FAM135A: variants seen among roughly 807,000 people sequenced by gnomAD.
FAM135A encodes family with sequence similarity 135 member A, also known as protein FAM135A.
A neutral mutation model predicts 146.8 loss-of-function variants in FAM135A; 79 were observed. The ratio of observed to expected loss-of-function variants is 0.54; its 90% CI spans 0.45 to 0.65. The LOEUF (loss-of-function observed/expected upper bound fraction) is 0.65. Among genes scored for constraint, FAM135A ranks in the 30% least tolerant of loss-of-function variants. The pLI is 0.00. For missense variants in FAM135A, 1,623 were observed against 1,758.2 expected, an observed-to-expected ratio of 0.92 and a Z score of 1.38; for synonymous variants, 562 against 603.6, an observed-to-expected ratio of 0.93 and a Z score of 1.01.
intron 2 of FAM135A, among the ~76,000 whole-genome samples, chr6:70,426,125 C>A: frequency 6.8e-6 from 1 of 147,242 alleles, no homozygotes; most frequent in Middle Eastern, 3.5e-3. Flanking sequence ...AAAAAAACAA[C>A]AACAAAAAAA....
At chr6:70,498,209 G>A (rs768535721) in intron 11 of FAM135A, among the ~76,000 whole-genome samples, 1 of 152,180 alleles carries the variant, frequency 6.6e-6, no homozygotes, top group Non-Finnish European at 1.5e-5. Context: ...TTGGGAGGCT[G>A]TATGTGTCCA....
intron 14 of FAM135A, 55 bp downstream of exon 14, chr6:70,524,176 C>G: frequency 6.7e-7 from 1 of 1,494,332 alleles, no homozygotes; most frequent in Non-Finnish European, 9.1e-7. Context: ...TCAGTATATT[C>G]TTCCTAATAT....
chr6:70,418,778 C>T (rs1293061063), intron 2 of FAM135A, among the ~76,000 whole-genome samples: 2 of 152,194 alleles, frequency 1.3e-5, no homozygotes, highest in African/African-American at 2.4e-5. Flanking sequence ...CTCAGATAGT[C>T]GGGCTGAACC....
intron 11 of FAM135A, among the ~76,000 whole-genome samples, chr6:70,495,805 A>AGGCCCTGGTGTGTGAC (rs1241705076): frequency 1.3e-5 from 2 of 152,004 alleles, no homozygotes; most frequent in East Asian, 3.9e-4. Flanking sequence ...ACCCCCTGAC[A>AGGCCCTGGTGTGTGAC]GGCCCTGGTG....
At chr6:70,493,007 T>C (rs1239231552) in intron 11 of FAM135A, among the ~76,000 whole-genome samples, 1 of 152,058 alleles carries the variant, frequency 6.6e-6, no homozygotes, top group Non-Finnish European at 1.5e-5. Flanking sequence ...ACAAAAATAC[T>C]CATAAATGTA....
rs146275500 is a variant in FAM135A, at chr6:70,500,738, C to T, written c.874-1898C>T. Among the ~76,000 whole-genome samples the T allele has an allele frequency of 3.1e-3, 465 of 152,308 alleles. 1 individual carries two copies. The highest frequency in any genetic ancestry group is 0.01 in the African/African-American group (419 of 41,544). On this transcript the variant is annotated intron_variant, in intron 11 of 21. Transcript: ENST00000418814. ...AGTTTTTCTTCTAACAGTAAGGCCC[C>T]TCTGCTGCAGGTCTGTTGCAGTTTA...
chr6:70,533,644 C>T (rs572562820), intron 17 of FAM135A, 113 bp from the exon 18 acceptor site: 6 of 667,538 alleles, frequency 9.0e-6, no homozygotes, highest in African/African-American at 1.9e-5. Flanking sequence ...CTCTATAAAA[C>T]ATTGAACTTA....
At chr6:70,447,979 AT>A (rs1307503379) in intron 4 of FAM135A, among the ~76,000 whole-genome samples, 1 of 151,960 alleles carries the variant, frequency 6.6e-6, no homozygotes, top group Non-Finnish European at 1.5e-5. Flanking sequence ...GCTTTCCCGA[AT>A]TTAAAAGGAA....
At chr6:70,498,839 G>A (rs1417417791) in intron 11 of FAM135A, among the ~76,000 whole-genome samples, 1 of 152,200 alleles carries the variant, frequency 6.6e-6, no homozygotes, top group Non-Finnish European at 1.5e-5. Context: ...TGGTCTGAGA[G>A]ACTGTTTATT....
intron 16 of FAM135A, among the ~76,000 whole-genome samples, chr6:70,530,860 T>C (rs1239330148): frequency 6.6e-6 from 1 of 152,218 alleles, no homozygotes; most frequent in Non-Finnish European, 1.5e-5. Flanking sequence ...GACACTTTTG[T>C]AAGCAATTAT....
chr6:70,527,766 C>T (rs1021628094), intron 15 of FAM135A, among the ~76,000 whole-genome samples: 2 of 152,148 alleles, frequency 1.3e-5, no homozygotes, highest in African/African-American at 2.4e-5. Flanking sequence ...TCACATTCCC[C>T]TCTTCGTTCT....
chr6:70,505,336 A>C (rs1209461101), intron 12 of FAM135A, among the ~76,000 whole-genome samples: 2 of 152,174 alleles, frequency 1.3e-5, no homozygotes, highest in African/African-American at 4.8e-5. Context: ...GCTTTTTCCA[A>C]GATCAAATTC....
intron 2 of FAM135A, among the ~76,000 whole-genome samples, chr6:70,423,208 C>G (rs979325428): frequency 6.6e-6 from 1 of 151,980 alleles, no homozygotes; most frequent in Non-Finnish European, 1.5e-5. Context: ...TGAGGAGAAT[C>G]GTAGGAGATG....
At chr6:70,446,905 G>A (rs1259040407) in intron 4 of FAM135A, among the ~76,000 whole-genome samples, 1 of 152,176 alleles carries the variant, frequency 6.6e-6, no homozygotes, top group East Asian at 1.9e-4. Flanking sequence ...AATTGTTCTG[G>A]AATTAGAACT....
At chr6:70,424,387 A>T (rs1326588657) in intron 2 of FAM135A, among the ~76,000 whole-genome samples, 1 of 152,248 alleles carries the variant, frequency 6.6e-6, no homozygotes, top group Non-Finnish European at 1.5e-5. Flanking sequence ...CTGTGCCAGT[A>T]ACTACACCAA....
rs193181615 is a variant in FAM135A, at chr6:70,426,930, G to A, written c.-40+398G>A. Among the ~76,000 whole-genome samples, 3 of 152,250 alleles carry A rather than the reference G, an allele frequency of 2.0e-5. No homozygotes were observed. In the East Asian group the frequency reaches 5.8e-4, roughly 29 times the overall value. On this transcript the variant is annotated intron_variant, in intron 3 of 21. Coordinates refer to ENST00000418814, the MANE Select transcript of FAM135A (RefSeq NM_001162529.3). Reference sequence around the variant, plus strand: ...TGTTCTAGTATAAGACACTATCTCTGACTTCTAAGATTGTTCATTATACAA... The same window carrying A: ...TGTTCTAGTATAAGACACTATCTCTAACTTCTAAGATTGTTCATTATACAA...
intron 20 of FAM135A, among the ~76,000 whole-genome samples, chr6:70,546,846 G>A (rs1798950427): frequency 1.3e-5 from 2 of 152,154 alleles, no homozygotes; most frequent in South Asian, 2.1e-4. Context: ...TGGCATACAA[G>A]CATCTCAGCA....
At chr6:70,478,629 A>G (rs77504129) in intron 8 of FAM135A, among the ~76,000 whole-genome samples, 3,830 of 152,164 alleles carry the variant, frequency 0.025, 164 homozygotes, top group African/African-American at 0.088. Context: ...TTGCTCTCTC[A>G]TCTCTTACAT....
chr6:70,481,649 A>G (rs925356762), intron 9 of FAM135A, among the ~76,000 whole-genome samples: 1 of 92,354 alleles, frequency 1.1e-5, no homozygotes, highest in South Asian at 3.0e-4. Context: ...AAAGAAAATT[A>G]AAAAAAAAAA....
Sources: allele counts gnomAD v4.1 joint callset (sites outside exome capture counted in the v4.1 genomes callset), GRCh38; gene constraint gnomAD v4.1.1; transcripts MANE v1.5; gene names NCBI Gene and HGNC (gene_info 2026-07-23, HGNC 2026-07-21).